The following TNS1 variants were observed in gnomAD, a reference collection of about 807,000 sequenced individuals.
TNS1 encodes the protein tensin-1.
In TNS1, 62 loss-of-function variants were observed where a neutral mutation model predicts 168.6. The observed-to-expected ratio is 0.37, with a 90% CI of 0.30 to 0.45. The LOEUF (loss-of-function observed/expected upper bound fraction) is 0.45. Ranked by LOEUF, TNS1 falls within the 20% of genes least tolerant of loss-of-function variation. The pLI, the probability that TNS1 is intolerant of heterozygous loss-of-function variation, is 1.00. For synonymous variants in TNS1, 934 were observed against 933.2 expected (o/e 1.00, Z -0.02); for missense variants, 2,240 against 2,339.4 (o/e 0.96, Z 0.88).
chr2:217,904,011 A>G (rs533760662), intron 6 of TNS1, among the ~76,000 whole-genome samples: 30 of 152,332 alleles, frequency 2.0e-4, no homozygotes, highest in African/African-American at 6.7e-4. Flanking sequence ...CCAGATCCCC[A>G]GAGGGGCACA....
In TNS1 at chr2:217,831,971, A is replaced by G. The variant is rs527869337; in HGVS notation, c.3281-424T>C. Among the ~76,000 whole-genome samples, 3 of 151,942 alleles carry G rather than the reference A, an allele frequency of 2.0e-5. No homozygotes were observed. In the South Asian group the frequency reaches 6.3e-4, roughly 32 times the overall value. On this transcript the variant is annotated intron_variant, in intron 21 of 32. Coordinates refer to ENST00000682258, the MANE Select transcript of TNS1 (RefSeq NM_001387777.1). The stretch of plus-strand genomic sequence containing the variant: ...CACACACACACACACACACACACAC[A>G]GACACACACAGTCCATTTAAAACAT...
chr2:217,934,511 T>A (rs1956499195), intron 3 of TNS1, among the ~76,000 whole-genome samples: 1 of 152,078 alleles, frequency 6.6e-6, no homozygotes, highest in Admixed American at 6.6e-5. Context: ...TGCACCCCCA[T>A]CCCCAGCACA....
chr2:217,837,712 C>T (rs1161063323), intron 19 of TNS1, among the ~76,000 whole-genome samples: 3 of 152,264 alleles, frequency 2.0e-5, no homozygotes, highest in Admixed American at 6.5e-5. Flanking sequence ...AGACTCTGAC[C>T]TCACTCTGCC....
chr2:217,825,639 G>A lies in TNS1; in HGVS notation c.3374-3701C>T, dbSNP rs540143568. Among the ~76,000 whole-genome samples, 122 of 152,260 alleles carry A rather than the reference G, an allele frequency of 8.0e-4. 3 individuals carry two copies. In the South Asian group the frequency reaches 0.024, roughly 30 times the overall value. ...GAGATAAAGTGGGCCACACCACCCC[G>A]TCCTGTGGTCAGGACACAGCCAAGC... On this transcript the variant is annotated intron_variant, in intron 22 of 32. Coordinates refer to ENST00000682258, the MANE Select transcript of TNS1 (RefSeq NM_001387777.1).
Position 217,818,634 on chromosome 2 carries a change from C to T in TNS1, c.3698G>A (p.Arg1233Lys). 6.2e-7 allele frequency: 1 copy of T among 1,614,224 alleles called. No individual in the cohort carries two copies. ...GAGAGGAGAAGAGCTCTGGTAGTTTCTCTGGGCAGACGGGCTGGGCTGTCC... is the reference window on the plus strand; with the variant it reads ...GAGAGGAGAAGAGCTCTGGTAGTTTTTCTGGGCAGACGGGCTGGGCTGTCC... The part of the protein sequence containing the change: ...SLGQPSPSAQ[R>K]NYQSSSPLPT... Residue 1233 changes from arginine (R) to lysine (K), a missense_variant, in exon 24 of 33, where the codon AGA (arginine) becomes AAA (lysine). Arg to Lys is a conservative substitution (Grantham distance 26). Around this residue, in one of 2 missense-constraint regions of TNS1, gnomAD observed 2,131 missense variants for 2,171.2 expected, o/e 0.98. Coordinates refer to ENST00000682258, the MANE Select transcript of TNS1 (RefSeq NM_001387777.1).
At chr2:217,829,166 A>C (rs1944032819) in intron 22 of TNS1, among the ~76,000 whole-genome samples, 1 of 152,010 alleles carries the variant, frequency 6.6e-6, no homozygotes, top group Non-Finnish European at 1.5e-5. Context: ...GCCTAAGGTC[A>C]GGAGCTCAAG....
At chr2:217,962,176 A>G (rs1957512826) in intron 3 of TNS1, among the ~76,000 whole-genome samples, 1 of 152,186 alleles carries the variant, frequency 6.6e-6, no homozygotes, top group Non-Finnish European at 1.5e-5. Flanking sequence ...GGGTGAGGTG[A>G]CTCACGCCTA....
At chr2:217,809,352 G>C (rs1390588071) in intron 30 of TNS1, among the ~76,000 whole-genome samples, 8 of 94,306 alleles carry the variant, frequency 8.5e-5, no homozygotes, top group South Asian at 4.2e-4. Flanking sequence ...TGGATGCATG[G>C]ATGGATGGAT....
In TNS1 at chr2:217,919,014, C is replaced by T. The variant is rs529875653; in HGVS notation, c.228+1181G>A. ...TAAACAACCCCAGCAGGCCTGAGCC[C>T]GAGCGTGCAGAGCAGTGACACTTAG... On this transcript the variant is annotated intron_variant, in intron 4 of 32. Transcript: ENST00000682258. Among the ~76,000 whole-genome samples, 124 of 152,296 alleles carry T rather than the reference C, an allele frequency of 8.1e-4. 1 individual carries two copies. Among genetic ancestry groups the T allele is most frequent in the Middle Eastern group, 3.4e-3 (1 of 294 alleles).
intron 3 of TNS1, chr2:217,936,870 C>A: frequency 2.2e-6 from 1 of 452,206 alleles, no homozygotes; most frequent in Non-Finnish European, 4.5e-6. Context: ...CACGCTAGCA[C>A]TACAAGGTTG....
intron 3 of TNS1, among the ~76,000 whole-genome samples, chr2:217,977,917 C>G (rs1957935413): frequency 1.3e-5 from 2 of 152,296 alleles, no homozygotes; most frequent in Admixed American, 1.3e-4. Context: ...AAGGTGCAGA[C>G]ATTGGCTGCA....
At chr2:217,929,190 A>G (rs761764696) in intron 3 of TNS1, among the ~76,000 whole-genome samples, 2 of 152,204 alleles carry the variant, frequency 1.3e-5, no homozygotes, top group African/African-American at 2.4e-5. Context: ...ACACCATGGC[A>G]CCCAGATGGG....
At position 217,874,914 on chromosome 2, in the gene TNS1, C is replaced by T. The variant is rs572008530; in HGVS notation, c.1429+5984G>A. ...TAAACAATAGAGCTTAGAACCAGAT[C>T]TTCTGGTTCTAGGTCCCATAGCCTT... is the stretch of plus-strand genomic sequence containing the variant. On this transcript the variant is annotated intron_variant, in intron 18 of 32. Coordinates refer to ENST00000682258, the MANE Select transcript of TNS1 (RefSeq NM_001387777.1). 1.4e-3 allele frequency among the ~76,000 whole-genome samples: 211 copies of T among 152,330 alleles called. 1 individual carries two copies. Among genetic ancestry groups the T allele is most frequent in the African/African-American group, 4.7e-3 (197 of 41,570 alleles).
At chr2:217,886,995 T>C (rs1951268014) in intron 12 of TNS1, among the ~76,000 whole-genome samples, 1 of 152,124 alleles carries the variant, frequency 6.6e-6, no homozygotes, top group Non-Finnish European at 1.5e-5. Context: ...CCCACATCCC[T>C]GACAGGCATC....
chr2:217,826,160 G>A (rs866273583), intron 22 of TNS1, among the ~76,000 whole-genome samples: 1 of 152,144 alleles, frequency 6.6e-6, no homozygotes, highest in African/African-American at 2.4e-5. Flanking sequence ...CCCAGATCAT[G>A]GGGTGGAGAT....
intron 7 of TNS1, among the ~76,000 whole-genome samples, chr2:217,899,136 C>T (rs1358454151): frequency 6.6e-6 from 1 of 152,180 alleles, no homozygotes; most frequent in African/African-American, 2.4e-5. Flanking sequence ...CATGAGGAAT[C>T]CAGACCTCCA....
chr2:217,891,055 G>T lies in TNS1; in HGVS notation c.783-10C>A. On this transcript the variant is annotated splice_polypyrimidine_tract_variant and intron_variant, in intron 11 of 32. Coordinates refer to ENST00000682258, the MANE Select transcript of TNS1 (RefSeq NM_001387777.1). The stretch of plus-strand genomic sequence containing the variant: ...CAGAGCCTGGTCCGCACTGCAGGGA[G>T]AGACAGGTGGTCAAAAGAGGCAACT... The T allele has an allele frequency of 6.2e-7, 1 of 1,614,140 alleles. No individual in the cohort carries two copies. The highest frequency in any genetic ancestry group is 8.5e-7 in the Non-Finnish European group (1 of 1,180,022).
At chr2:217,832,225 AG>A (rs1192211769) in intron 21 of TNS1, among the ~76,000 whole-genome samples, 1 of 152,214 alleles carries the variant, frequency 6.6e-6, no homozygotes, top group Non-Finnish European at 1.5e-5. Flanking sequence ...AGAAGCCTAT[AG>A]TCTGTGGCCA....
chr2:217,821,617 G>A (rs750011068), intron 23 of TNS1, 123 bp downstream of exon 23: 16 of 979,776 alleles, frequency 1.6e-5, no homozygotes, highest in East Asian at 1.3e-4. Flanking sequence ...GCAAGGTACC[G>A]CCATCTGGGT....
Sources: gnomAD v4.1 joint callset for allele counts (sites outside exome capture counted in the v4.1 genomes callset) on GRCh38, gnomAD v4.1.1 for gene constraint, gnomAD v4.1.1 regional missense constraint, MANE v1.5 for transcripts, NCBI Gene and HGNC (gene_info 2026-07-23, HGNC 2026-07-21) for gene names.